FAM135B: variants seen among roughly 807,000 people sequenced by gnomAD.
FAM135B encodes family with sequence similarity 135 member B, also known as protein FAM135B.
A neutral mutation model predicts 127.7 loss-of-function variants in FAM135B; 43 were observed. The observed-to-expected ratio is 0.34, with a 90% confidence interval of 0.26 to 0.43. The LOEUF (loss-of-function observed/expected upper bound fraction) is 0.43. FAM135B is among the 20% of genes least tolerant of loss of function. The probability of loss-of-function intolerance (pLI) is 1.00; values close to 1 mark genes in which losing one functional copy is unlikely to be tolerated. For missense variants in FAM135B, 1,558 were observed against 1,725.6 expected (o/e 0.90, Z 1.72); for synonymous variants, 670 against 665.1 (o/e 1.01, Z -0.11).
At chr8:138,431,232 T>C (rs1835172827) in intron 1 of FAM135B, among the ~76,000 whole-genome samples, 1 of 152,212 alleles carries the variant, frequency 6.6e-6, no homozygotes, top group African/African-American at 2.4e-5. Context: ...ATGAAACTTC[T>C]CTTATGTGCT....
At chr8:138,365,624 G>T (rs1438929991) in intron 2 of FAM135B, among the ~76,000 whole-genome samples, 3 of 151,996 alleles carry the variant, frequency 2.0e-5, no homozygotes, top group Non-Finnish European at 4.4e-5. Context: ...AATGTGGTTG[G>T]TTCTGGCATT....
chr8:138,386,053 C>T (rs1375138300), intron 1 of FAM135B, among the ~76,000 whole-genome samples: 1 of 151,554 alleles, frequency 6.6e-6, no homozygotes, highest in East Asian at 2.0e-4. Context: ...CTCCACTCTA[C>T]TAAAAATAAA....
intron 9 of FAM135B, among the ~76,000 whole-genome samples, chr8:138,185,506 C>T (rs1815465679): frequency 6.6e-6 from 1 of 152,122 alleles, no homozygotes; most frequent in African/African-American, 2.4e-5. Flanking sequence ...TCAAAGCAAA[C>T]AAACAAATGA....
chr8:138,251,128 G>T (rs141837971), intron 5 of FAM135B, 114 bp from the exon 6 acceptor site: 177 of 1,188,762 alleles, frequency 1.5e-4, no homozygotes, highest in Non-Finnish European at 2.0e-4. Context: ...ACATCATCTC[G>T]TTCAATCCTG....
At chr8:138,250,122 G>T (rs543552145) in intron 6 of FAM135B, among the ~76,000 whole-genome samples, 3 of 152,300 alleles carry the variant, frequency 2.0e-5, no homozygotes, top group African/African-American at 7.2e-5. Context: ...AGAAGCCAAG[G>T]AGGGTGGATC....
intron 3 of FAM135B, among the ~76,000 whole-genome samples, chr8:138,274,950 T>C (rs1358617808): frequency 6.6e-6 from 1 of 151,692 alleles, no homozygotes; most frequent in Middle Eastern, 3.4e-3. Context: ...GTGCAGTTAA[T>C]GCAATTATTA....
intron 7 of FAM135B, among the ~76,000 whole-genome samples, chr8:138,200,227 C>T (rs10505695): frequency 6.6e-6 from 1 of 152,108 alleles, no homozygotes; most frequent in Non-Finnish European, 1.5e-5. Context: ...CATTCAGCAA[C>T]GTTTGAAATC....
At chr8:138,165,837 T>C (rs558076778) in intron 12 of FAM135B, among the ~76,000 whole-genome samples, 49 of 152,340 alleles carry the variant, frequency 3.2e-4, no homozygotes, top group African/African-American at 1.2e-3. Flanking sequence ...GTACACTTTA[T>C]AACTGCCATA....
intron 1 of FAM135B, among the ~76,000 whole-genome samples, chr8:138,488,778 T>C (rs1391197660): frequency 1.3e-5 from 2 of 152,294 alleles, no homozygotes; most frequent in East Asian, 3.9e-4. Context: ...GCAATTTTCC[T>C]GCCTCAGCTT....
intron 8 of FAM135B, among the ~76,000 whole-genome samples, chr8:138,197,087 G>T (rs1258430924): frequency 4.8e-5 from 3 of 63,044 alleles, no homozygotes; most frequent in Non-Finnish European, 1.0e-4. Context: ...GTGTGTGTGT[G>T]TGTGTGTGTG....
At chr8:138,400,156 G>A (rs1833076860) in intron 1 of FAM135B, among the ~76,000 whole-genome samples, 1 of 152,206 alleles carries the variant, frequency 6.6e-6, no homozygotes, top group Non-Finnish European at 1.5e-5. Flanking sequence ...CCCACAGCAA[G>A]GCTTGGCTGG....
intron 1 of FAM135B, among the ~76,000 whole-genome samples, chr8:138,444,297 G>A (rs7833992): frequency 0.36 from 54,510 of 151,786 alleles, 11,177 homozygotes; most frequent in Non-Finnish European, 0.47. Context: ...TGCACCAAGC[G>A]GACCTAATAG....
chr8:138,292,147 C>T (rs1466606368), intron 3 of FAM135B, among the ~76,000 whole-genome samples: 1 of 151,890 alleles, frequency 6.6e-6, no homozygotes, highest in African/African-American at 2.4e-5. Flanking sequence ...AGAAAGAAAT[C>T]AATAAAGCAA....
intron 1 of FAM135B, among the ~76,000 whole-genome samples, chr8:138,491,198 C>T (rs1299807003): frequency 1.3e-5 from 2 of 150,952 alleles, no homozygotes; most frequent in Admixed American, 6.6e-5. Context: ...AAAATATTTC[C>T]TATATCACAA....
chr8:138,168,564 G>A (rs138849940), intron 11 of FAM135B, among the ~76,000 whole-genome samples: 4 of 152,124 alleles, frequency 2.6e-5, no homozygotes, highest in African/African-American at 9.6e-5. Context: ...AATTTCCCTA[G>A]ATCAAGGGCC....
intron 2 of FAM135B, among the ~76,000 whole-genome samples, chr8:138,315,592 T>C (rs929750845): frequency 2.6e-5 from 4 of 151,588 alleles, no homozygotes; most frequent in Non-Finnish European, 5.9e-5. Context: ...AATGAATCAA[T>C]GAATAAACTG....
At chr8:138,426,022 TAC>T (rs1335527405) in intron 1 of FAM135B, among the ~76,000 whole-genome samples, 1,986 of 18,226 alleles carry the variant, frequency 0.11, 129 homozygotes, top group African/African-American at 0.33. Flanking sequence ...TACACACACA[TAC>T]ATATACACAC....
chr8:138,344,730 C>A (rs1829294604), intron 2 of FAM135B, among the ~76,000 whole-genome samples: 2 of 152,090 alleles, frequency 1.3e-5, no homozygotes, highest in Admixed American at 1.3e-4. Context: ...TGCCTGCAAC[C>A]ACACCCAGCT....
intron 5 of FAM135B, among the ~76,000 whole-genome samples, chr8:138,255,022 T>C (rs1821967284): frequency 7.2e-6 from 1 of 139,804 alleles, no homozygotes; most frequent in Non-Finnish European, 1.5e-5. Flanking sequence ...AGAAGAAATC[T>C]GAACTTTTTT....
Sources: gnomAD v4.1 joint callset for allele counts (sites outside exome capture counted in the v4.1 genomes callset) on GRCh38, gnomAD v4.1.1 for gene constraint, MANE v1.5 for transcripts, NCBI Gene and HGNC (gene_info 2026-07-23, HGNC 2026-07-21) for gene names.